Variants in IMMP2L observed in about 807,000 individuals in gnomAD.
The protein encoded by IMMP2L is inner mitochondrial membrane peptidase subunit 2.
Under a neutral mutation model 19.3 loss-of-function variants are expected in IMMP2L, and 18 were observed. The observed-to-expected ratio is 0.93, with a 90% CI of 0.64 to 1.38. IMMP2L has a LOEUF of 1.38. IMMP2L is among the 40% of genes most tolerant of loss of function. The pLI, the probability that IMMP2L is intolerant of heterozygous loss-of-function variation, is 0.00. For missense variants in IMMP2L, 233 were observed against 218.2 expected (o/e 1.07, Z -0.43); for synonymous variants, 76 against 73.0 (o/e 1.04, Z -0.21).
At chr7:111,536,369 A>AT (rs112181616) in intron 1 of IMMP2L, among the ~76,000 whole-genome samples, 3,050 of 152,078 alleles carry the variant, frequency 0.02, 105 homozygotes, top group African/African-American at 0.07. Flanking sequence ...GTGCAGTGGC[A>AT]TGATCACGGC....
intron 4 of IMMP2L, among the ~76,000 whole-genome samples, chr7:110,896,295 AATG>A (rs1413848212): frequency 1.3e-5 from 2 of 152,184 alleles, no homozygotes; most frequent in Admixed American, 6.5e-5. Flanking sequence ...TTTTTGCTAA[AATG>A]ATGATAGATT....
chr7:111,127,830 A>G (rs1801464942), intron 3 of IMMP2L, among the ~76,000 whole-genome samples: 2 of 152,234 alleles, frequency 1.3e-5, no homozygotes, highest in African/African-American at 4.8e-5. Context: ...TAATTTTTGA[A>G]GAATTACATA....
rs181242721 is a variant in IMMP2L at position 111,420,452 on chromosome 7, T to C, written c.239+66786A>G. Among the ~76,000 whole-genome samples, 123 of 151,910 alleles carry C rather than the reference T, an allele frequency of 8.1e-4. 1 individual carries two copies. The highest frequency in any genetic ancestry group is 2.1e-4 in the Non-Finnish European group (14 of 68,006). ...CAAGTTCTAGGGTACATGTGCACAA[T>C]GTTTGCAGGTTTGATACATAACTAT... On this transcript the variant is annotated intron_variant, in intron 3 of 5. Coordinates refer to ENST00000405709, the MANE Select transcript of IMMP2L (RefSeq NM_032549.4).
intron 3 of IMMP2L, among the ~76,000 whole-genome samples, chr7:111,276,200 C>T (rs575980792): frequency 1.4e-4 from 21 of 152,104 alleles, no homozygotes; most frequent in Admixed American, 3.9e-4. Context: ...TCTATTGAGA[C>T]GATCATATGG....
chr7:110,934,933 G>T (rs1815913917), intron 4 of IMMP2L, among the ~76,000 whole-genome samples: 1 of 152,162 alleles, frequency 6.6e-6, no homozygotes, highest in Non-Finnish European at 1.5e-5. Context: ...ACACTGATAA[G>T]TCTTGACTCT....
At chr7:111,078,493 A>G (rs1795603076) in intron 3 of IMMP2L, among the ~76,000 whole-genome samples, 1 of 152,186 alleles carries the variant, frequency 6.6e-6, no homozygotes, top group Non-Finnish European at 1.5e-5. Context: ...TGGAGAATGG[A>G]GTATCTATAT....
At chr7:111,270,139 G>C (rs548945050) in intron 3 of IMMP2L, among the ~76,000 whole-genome samples, 1 of 150,716 alleles carries the variant, frequency 6.6e-6, no homozygotes, top group East Asian at 1.9e-4. Flanking sequence ...TCTTTTCCTA[G>C]TGCCTACAAT....
chr7:110,821,277 A>T (rs1408552821), intron 5 of IMMP2L, among the ~76,000 whole-genome samples: 1 of 152,118 alleles, frequency 6.6e-6, no homozygotes, highest in Non-Finnish European at 1.5e-5. Flanking sequence ...TTTGGCTCAG[A>T]GGGCTCAGTT....
intron 3 of IMMP2L, among the ~76,000 whole-genome samples, chr7:111,087,595 G>A (rs541605233): frequency 3.3e-5 from 5 of 151,942 alleles, no homozygotes; most frequent in East Asian, 1.9e-4. Context: ...GTTAGTGCTC[G>A]ACAGATGTTA....
chr7:110,835,782 T>G (rs1804398905), intron 5 of IMMP2L, among the ~76,000 whole-genome samples: 1 of 152,112 alleles, frequency 6.6e-6, no homozygotes, highest in Non-Finnish European at 1.5e-5. Context: ...ACTCTTTTAA[T>G]AATTCTGTTT....
At chr7:111,220,452 G>C (rs1478205182) in intron 3 of IMMP2L, among the ~76,000 whole-genome samples, 1 of 151,954 alleles carries the variant, frequency 6.6e-6, no homozygotes, top group Non-Finnish European at 1.5e-5. Context: ...TTTAATTGCA[G>C]ATTTAAAAGA....
chr7:111,086,460 AT>A (rs11349897), intron 3 of IMMP2L, among the ~76,000 whole-genome samples: 125,941 of 151,512 alleles, frequency 0.83, 52,738 homozygotes, highest in Non-Finnish European at 0.89. Context: ...AGAAAAAAAA[AT>A]TAAAATTAAA....
chr7:110,959,732 G>A (rs977945615), intron 4 of IMMP2L, among the ~76,000 whole-genome samples: 50 of 152,010 alleles, frequency 3.3e-4, no homozygotes, highest in African/African-American at 1.2e-3. Context: ...ACCAAAGGGG[G>A]ACAGATAGAC....
intron 3 of IMMP2L, among the ~76,000 whole-genome samples, chr7:110,972,743 T>G (rs1018024130): frequency 6.6e-6 from 1 of 151,892 alleles, no homozygotes; most frequent in African/African-American, 2.4e-5. Context: ...GAGCAGTGAG[T>G]AGACAGAAAA....
chr7:110,745,278 G>A (rs35621558), intron 5 of IMMP2L, among the ~76,000 whole-genome samples: 46,076 of 151,894 alleles, frequency 0.3, 8,423 homozygotes, highest in East Asian at 0.67. Context: ...ACGTTTGATT[G>A]GTGTACCTGA....
intron 5 of IMMP2L, among the ~76,000 whole-genome samples, chr7:110,855,231 A>G (rs1324389414): frequency 6.6e-6 from 1 of 152,022 alleles, no homozygotes; most frequent in Non-Finnish European, 1.5e-5. Context: ...AGAAAAAAAC[A>G]ATTAATGGAT....
At chr7:111,141,051 G>A (rs1319406331) in intron 3 of IMMP2L, among the ~76,000 whole-genome samples, 1 of 152,174 alleles carries the variant, frequency 6.6e-6, no homozygotes, top group African/African-American at 2.4e-5. Context: ...GCTAGTTGGT[G>A]AAAGAGTCAG....
At chr7:111,131,228 A>G (rs1433063455) in intron 3 of IMMP2L, among the ~76,000 whole-genome samples, 1 of 152,058 alleles carries the variant, frequency 6.6e-6, no homozygotes, top group Non-Finnish European at 1.5e-5. Context: ...GCAGTGAAAA[A>G]AAAAATGAAC....
At chr7:111,553,879 T>G (rs1790954220) in intron 1 of IMMP2L, among the ~76,000 whole-genome samples, 1 of 152,182 alleles carries the variant, frequency 6.6e-6, no homozygotes, top group Non-Finnish European at 1.5e-5. Context: ...TATAATCACA[T>G]CTGCATATAA....
Sources: gnomAD v4.1 joint callset for allele counts (sites outside exome capture counted in the v4.1 genomes callset) on GRCh38, gnomAD v4.1.1 for gene constraint, MANE v1.5 for transcripts, NCBI Gene and HGNC (gene_info 2026-07-23, HGNC 2026-07-21) for gene names.